SIL1: variants seen among roughly 807,000 people sequenced by gnomAD.
The protein encoded by SIL1 is nucleotide exchange factor SIL1.
Under a neutral mutation model 49.1 loss-of-function variants are expected in SIL1, and 40 were observed. The ratio of observed to expected loss-of-function variants is 0.81; its 90% CI spans 0.63 to 1.06. The LOEUF (loss-of-function observed/expected upper bound fraction) is 1.06. SIL1 is among the 50% of genes least tolerant of loss of function. SIL1 has a pLI of 0.00. For missense variants in SIL1, 500 were observed against 572.6 expected (o/e 0.87, Z 1.29); for synonymous variants, 253 against 250.8 (o/e 1.01, Z -0.08).
At chr5:139,090,127 C>T (rs1770309703) in intron 3 of SIL1, among the ~76,000 whole-genome samples, 2 of 152,188 alleles carry the variant, frequency 1.3e-5, no homozygotes, top group South Asian at 4.1e-4. Flanking sequence ...CACCACTCCA[C>T]TCTCACCCAG....
chr5:139,056,201 GC>G (rs2150459276), intron 3 of SIL1, among the ~76,000 whole-genome samples: 1 of 150,570 alleles, frequency 6.6e-6, no homozygotes, highest in Non-Finnish European at 1.5e-5. Context: ...TCTCTGCCCG[GC>G]CGCCATCCCA....
chr5:139,049,740 C>G lies in SIL1; in HGVS notation c.353+1198G>C, dbSNP rs1481721137. On this transcript the variant is annotated intron_variant, in intron 4 of 9. Transcript: ENST00000394817. ...CCCAGGAGTTTGAGGTTACAGTGAACTATGATCACACCACTTTACTCCAGC... is the reference window on the plus strand; with the variant it reads ...CCCAGGAGTTTGAGGTTACAGTGAAGTATGATCACACCACTTTACTCCAGC... Among the ~76,000 whole-genome samples the G allele has an allele frequency of 3.3e-5, 5 of 150,410 alleles. No individual in the cohort carries two copies. In the East Asian group the frequency reaches 9.8e-4, roughly 29 times the overall value.
At chr5:139,184,554 T>C (rs1752045322) in intron 1 of SIL1, among the ~76,000 whole-genome samples, 1 of 152,138 alleles carries the variant, frequency 6.6e-6, no homozygotes, top group Non-Finnish European at 1.5e-5. Flanking sequence ...CACATGCCTA[T>C]AGTCCCAGCT....
intron 3 of SIL1, among the ~76,000 whole-genome samples, chr5:139,116,950 A>G (rs933835596): frequency 7.2e-5 from 11 of 152,212 alleles, no homozygotes; most frequent in African/African-American, 2.7e-4. Flanking sequence ...TAAGGTTCTG[A>G]GATTCTAAGC....
At chr5:139,005,602 C>G (rs1768099062) in intron 7 of SIL1, among the ~76,000 whole-genome samples, 1 of 100,138 alleles carries the variant, frequency 1.0e-5, no homozygotes, top group Admixed American at 1.1e-4. Context: ...TCCCTCCCCC[C>G]TCCCCCCACC....
intron 1 of SIL1, among the ~76,000 whole-genome samples, chr5:139,148,280 C>G (rs748242031): frequency 4.6e-5 from 7 of 152,124 alleles, no homozygotes; most frequent in African/African-American, 9.7e-5. Flanking sequence ...TGCCACCAAC[C>G]AAATCCCAGC....
At chr5:139,038,126 C>T (rs1318296645) in intron 5 of SIL1, among the ~76,000 whole-genome samples, 1 of 152,186 alleles carries the variant, frequency 6.6e-6, no homozygotes, top group Non-Finnish European at 1.5e-5. Context: ...TTCCAAAGGT[C>T]CCACCTCCAA....
chr5:139,027,755 G>A (rs1768694040), intron 5 of SIL1, among the ~76,000 whole-genome samples: 1 of 152,162 alleles, frequency 6.6e-6, no homozygotes, highest in Non-Finnish European at 1.5e-5. Context: ...CCTATAAAGA[G>A]AGTCTGAAAA....
In SIL1 at chr5:139,105,201, GA is replaced by G. The variant is rs1463936046; in HGVS notation, c.244+15833del. Among the ~76,000 whole-genome samples, 7 of 152,298 alleles carry G rather than the reference GA, an allele frequency of 4.6e-5. No homozygotes were observed. The South Asian group carries it at 8.3e-4, about 18-fold the overall frequency. The stretch of plus-strand genomic sequence containing the variant: ...CTCCATCTCAGGAAGAGAAGGTGGG[GA>G]AGAGGGGGGCGATATGTGGGGAAGG... On this transcript the variant is annotated intron_variant, in intron 3 of 9. Coordinates refer to ENST00000394817, the MANE Select transcript of SIL1 (RefSeq NM_022464.5).
chr5:139,039,369 TG>T lies in SIL1; in HGVS notation c.453+3250del, dbSNP rs140753585. 4.0e-4 allele frequency among the ~76,000 whole-genome samples: 61 copies of T among 152,168 alleles called. No homozygotes were observed. The East Asian group carries it at 0.012, about 29-fold the overall frequency. ...TCCACTGCACTGGCACTAAGTGGGGTGGGGAGATTTTCATTATCTTTGGCAG... is the reference window on the plus strand; with the variant it reads ...TCCACTGCACTGGCACTAAGTGGGGTGGGAGATTTTCATTATCTTTGGCAG... On this transcript the variant is annotated intron_variant, in intron 5 of 9. Transcript: ENST00000394817.
At chr5:139,195,458 G>T (rs569691411) in intron 1 of SIL1, among the ~76,000 whole-genome samples, 1 of 151,964 alleles carries the variant, frequency 6.6e-6, no homozygotes, top group Non-Finnish European at 1.5e-5. Context: ...CGTGATCTCC[G>T]CTCACTGCAA....
intron 3 of SIL1, among the ~76,000 whole-genome samples, chr5:139,116,514 G>A (rs1472161168): frequency 2.0e-5 from 3 of 152,238 alleles, no homozygotes; most frequent in Non-Finnish European, 4.4e-5. Flanking sequence ...ATGCAGCACT[G>A]GGTAATGAGC....
chr5:139,089,692 AAGAC>A (rs1202908177), intron 3 of SIL1, among the ~76,000 whole-genome samples: 1 of 152,218 alleles, frequency 6.6e-6, no homozygotes, highest in African/African-American at 2.4e-5. Flanking sequence ...TCAGTGAAAG[AAGAC>A]AGACACAAAA....
At chr5:139,191,536 C>A (rs1410113381) in intron 1 of SIL1, among the ~76,000 whole-genome samples, 1 of 151,534 alleles carries the variant, frequency 6.6e-6, no homozygotes, top group African/African-American at 2.4e-5. Flanking sequence ...TCCCAGTGCT[C>A]TAGAAGGCCA....
At chr5:139,062,563 C>T (rs1267556314) in intron 3 of SIL1, among the ~76,000 whole-genome samples, 1 of 152,184 alleles carries the variant, frequency 6.6e-6, no homozygotes, top group Admixed American at 6.5e-5. Context: ...TCCAAAATCT[C>T]ATCCACAGCA....
At chr5:139,113,328 T>TTAA (rs144870949) in intron 3 of SIL1, among the ~76,000 whole-genome samples, 149 of 50,142 alleles carry the variant, frequency 3.0e-3, no homozygotes, top group Non-Finnish European at 4.6e-3. Flanking sequence ...AATAAATAAA[T>TTAA]TTAAAAAAAA....
chr5:139,188,886 G>A (rs893893661), intron 1 of SIL1, among the ~76,000 whole-genome samples: 1 of 152,186 alleles, frequency 6.6e-6, no homozygotes, highest in Non-Finnish European at 1.5e-5. Flanking sequence ...CCTGACAAGA[G>A]AGAACCTGAG....
chr5:139,042,456 T>C (rs1270358065), intron 5 of SIL1, among the ~76,000 whole-genome samples, 164 bp downstream of exon 5: 10 of 152,208 alleles, frequency 6.6e-5, no homozygotes, highest in African/African-American at 1.7e-4. Flanking sequence ...TTTTTTTTAA[T>C]AGTCTAAAAG....
chr5:138,976,993 C>A (rs1767407310), intron 7 of SIL1, among the ~76,000 whole-genome samples: 1 of 152,142 alleles, frequency 6.6e-6, no homozygotes, highest in South Asian at 2.1e-4. Context: ...CTACCTGGAT[C>A]CACTAGAAAG....
Sources: gnomAD v4.1 joint callset for allele counts (sites outside exome capture counted in the v4.1 genomes callset) on GRCh38, gnomAD v4.1.1 for gene constraint, MANE v1.5 for transcripts, NCBI Gene and HGNC (gene_info 2026-07-23, HGNC 2026-07-21) for gene names.